The following ACVR1 variants were observed in gnomAD, a reference collection of about 807,000 sequenced individuals.
The protein encoded by ACVR1 is activin receptor type-1.
In ACVR1, 38 loss-of-function variants were observed where a neutral mutation model predicts 57.1. The observed-to-expected ratio is 0.67, with a 90% CI of 0.51 to 0.87. The LOEUF (loss-of-function observed/expected upper bound fraction) is 0.87. Among genes scored for constraint, ACVR1 ranks in the 40% least tolerant of loss-of-function variants. ACVR1 has a pLI of 0.00. For missense variants in ACVR1, 463 were observed against 638.2 expected, an observed-to-expected ratio of 0.73 and a Z score of 2.96; for synonymous variants, 212 against 228.1, an observed-to-expected ratio of 0.93 and a Z score of 0.63.
intron 2 of ACVR1, among the ~76,000 whole-genome samples, chr2:157,814,366 A>T (rs533512005): frequency 6.6e-6 from 1 of 152,360 alleles, no homozygotes; most frequent in Admixed American, 6.5e-5. Context: ...TTTTAAACTT[A>T]TGAAAAGATG....
At chr2:157,836,937 T>A (rs1229802575) in intron 1 of ACVR1, among the ~76,000 whole-genome samples, 6 of 152,222 alleles carry the variant, frequency 3.9e-5, no homozygotes, top group Non-Finnish European at 8.8e-5. Flanking sequence ...CCAGATGAAT[T>A]GGTTCATATC....
intron 1 of ACVR1, among the ~76,000 whole-genome samples, chr2:157,859,874 T>A (rs1393011801): frequency 1.3e-5 from 2 of 151,784 alleles, no homozygotes; most frequent in African/African-American, 4.8e-5. Context: ...TAATGGTCGT[T>A]TTTTGTATTA....
chr2:157,740,307 TA>T (rs1684702898), intron 9 of ACVR1, among the ~76,000 whole-genome samples: 1 of 152,200 alleles, frequency 6.6e-6, no homozygotes, highest in African/African-American at 2.4e-5. Context: ...ATATTGGGTA[TA>T]AACTGCTACT....
chr2:157,838,576 A>T (rs572358298), intron 1 of ACVR1, among the ~76,000 whole-genome samples: 2 of 152,230 alleles, frequency 1.3e-5, no homozygotes, highest in South Asian at 4.1e-4. Flanking sequence ...AAACCCAGAA[A>T]ATATGTCCTT....
chr2:157,843,330 T>C (rs190415198), intron 1 of ACVR1, among the ~76,000 whole-genome samples: 7 of 152,348 alleles, frequency 4.6e-5, no homozygotes, highest in Admixed American at 1.3e-4. Context: ...AAACATTCCA[T>C]AATTATCACT....
At chr2:157,846,942 T>C (rs1198659593) in intron 1 of ACVR1, among the ~76,000 whole-genome samples, 1 of 152,182 alleles carries the variant, frequency 6.6e-6, no homozygotes, top group East Asian at 1.9e-4. Context: ...TATATTCCTC[T>C]ATTATAAAAA....
At chr2:157,842,338 A>G (rs886229673) in intron 1 of ACVR1, among the ~76,000 whole-genome samples, 1 of 152,236 alleles carries the variant, frequency 6.6e-6, no homozygotes, top group Non-Finnish European at 1.5e-5. Context: ...TACAGAGTAC[A>G]GAAAGCGTTC....
chr2:157,772,553 C>G (rs1146033), intron 6 of ACVR1, among the ~76,000 whole-genome samples: 1 of 152,146 alleles, frequency 6.6e-6, no homozygotes, highest in Non-Finnish European at 1.5e-5. Flanking sequence ...AAACTACATA[C>G]TTTAAAGGTG....
chr2:157,772,556 T>C (rs1686109617), intron 6 of ACVR1, among the ~76,000 whole-genome samples: 1 of 152,190 alleles, frequency 6.6e-6, no homozygotes, highest in African/African-American at 2.4e-5. Flanking sequence ...CTACATACTT[T>C]AAAGGTGCAT....
chr2:157,780,566 CAT>C lies in ACVR1; in HGVS notation c.100_101del (p.Met34ValfsTer4), dbSNP rs752191696. On this transcript the variant is annotated frameshift_variant, in exon 4 of 11. Transcript: ENST00000434821. LOFTEE classifies it high-confidence loss of function. ...EKPKVNPKLY[M>X]CVCEGLSCGN... ...CGCAGGAGAGACCTTCACACACACACATGTAGAGTTTGGGGTTGACCTTGGGC... is the reference window on the plus strand; with the variant it reads ...CGCAGGAGAGACCTTCACACACACACGTAGAGTTTGGGGTTGACCTTGGGC... 25 of 1,612,994 alleles carry C rather than the reference CAT, an allele frequency of 1.5e-5. No homozygotes were observed. Among genetic ancestry groups the C allele is most frequent in the Non-Finnish European group, 1.9e-5 (23 of 1,179,918 alleles).
intron 1 of ACVR1, among the ~76,000 whole-genome samples, chr2:157,853,505 A>T (rs1301002420): frequency 6.6e-6 from 1 of 152,240 alleles, no homozygotes; most frequent in Non-Finnish European, 1.5e-5. Context: ...TCAGGGTTTC[A>T]GCACATCAAT....
intron 2 of ACVR1, among the ~76,000 whole-genome samples, chr2:157,808,508 C>G (rs1048848819): frequency 6.6e-6 from 1 of 152,084 alleles, no homozygotes; most frequent in East Asian, 1.9e-4. Context: ...AGGGTGTCAT[C>G]CAAGAGAGGC....
chr2:157,870,897 A>C (rs1324300246), intron 1 of ACVR1, among the ~76,000 whole-genome samples: 1 of 152,170 alleles, frequency 6.6e-6, no homozygotes, highest in Non-Finnish European at 1.5e-5. Context: ...ATCCTTACGG[A>C]CCACAGTGAC....
intron 1 of ACVR1, among the ~76,000 whole-genome samples, chr2:157,857,474 C>G (rs1689575741): frequency 6.6e-6 from 1 of 152,024 alleles, no homozygotes; most frequent in Admixed American, 6.5e-5. Context: ...CCAGAGAGAC[C>G]AGAATTGCAC....
intron 1 of ACVR1, among the ~76,000 whole-genome samples, chr2:157,848,214 T>C (rs2105362088): frequency 6.6e-6 from 1 of 152,288 alleles, no homozygotes; most frequent in South Asian, 2.1e-4. Context: ...TTAACGGGGC[T>C]CTGTGACAGC....
At chr2:157,839,462 C>A (rs1289727788) in intron 1 of ACVR1, among the ~76,000 whole-genome samples, 1 of 152,234 alleles carries the variant, frequency 6.6e-6, no homozygotes, top group Admixed American at 6.5e-5. Context: ...CTGTCCTCCC[C>A]TCTCCCCAGC....
At chr2:157,793,975 G>A (rs1307066591) in intron 3 of ACVR1, among the ~76,000 whole-genome samples, 1 of 152,168 alleles carries the variant, frequency 6.6e-6, no homozygotes, top group Non-Finnish European at 1.5e-5. Flanking sequence ...TCTAGAACAG[G>A]CCGAAATCTC....
intron 7 of ACVR1, 48 bp from the exon 8 acceptor site, chr2:157,766,244 T>G: frequency 6.3e-7 from 1 of 1,586,272 alleles, no homozygotes. Flanking sequence ...TTCCACATTA[T>G]AACTTAAAGT....
intron 10 of ACVR1, 72 bp downstream of exon 10, chr2:157,738,368 G>C: frequency 6.2e-7 from 1 of 1,607,356 alleles, no homozygotes; most frequent in Non-Finnish European, 8.5e-7. Context: ...TGCAATACCA[G>C]TTGAAACTCA....
Sources: allele counts gnomAD v4.1 joint callset (sites outside exome capture counted in the v4.1 genomes callset), GRCh38; gene constraint gnomAD v4.1.1; transcripts MANE v1.5; gene names NCBI Gene and HGNC (gene_info 2026-07-23, HGNC 2026-07-21).